Variants in MMP26 observed in about 807,000 individuals in gnomAD.
MMP26 encodes the protein matrix metallopeptidase 26.
Under a neutral mutation model 31.0 loss-of-function variants are expected in MMP26, and 33 were observed. The ratio of observed to expected loss-of-function variants is 1.06; its 90% CI spans 0.81 to 1.42. MMP26 has a LOEUF of 1.42. Ranked by LOEUF, MMP26 falls within the 40% of genes most tolerant of loss-of-function variation. MMP26 has a pLI of 0.00. For synonymous variants in MMP26, 122 were observed against 114.9 expected, an observed-to-expected ratio of 1.06 and a Z score of -0.40; for missense variants, 347 against 316.1, an observed-to-expected ratio of 1.10 and a Z score of -0.74.
intron 2 of MMP26, among the ~76,000 whole-genome samples, chr11:4,782,307 G>T (rs1032387401): frequency 1.3e-5 from 2 of 152,194 alleles, no homozygotes; most frequent in Non-Finnish European, 2.9e-5. Flanking sequence ...TGAGGAACTT[G>T]TTGGGAATTG....
chr11:4,708,810 A>G (rs553775463), intron 1 of MMP26, among the ~76,000 whole-genome samples: 1 of 152,322 alleles, frequency 6.6e-6, no homozygotes, highest in East Asian at 1.9e-4. Context: ...TACTCCAGTT[A>G]TTATCCATGA....
intron 2 of MMP26, among the ~76,000 whole-genome samples, chr11:4,893,061 T>C (rs1336437357): frequency 6.6e-6 from 1 of 152,052 alleles, no homozygotes; most frequent in African/African-American, 2.4e-5. Context: ...GGCTTTGTTC[T>C]CAACTCCATT....
chr11:4,868,383 A>C (rs1014479712), intron 2 of MMP26, among the ~76,000 whole-genome samples: 1 of 152,166 alleles, frequency 6.6e-6, no homozygotes, highest in African/African-American at 2.4e-5. Flanking sequence ...CAGGATACAA[A>C]ATCAATGTGC....
chr11:4,704,973 G>A lies in MMP26; in HGVS notation c.-289G>A, dbSNP rs1847756150. 1 of 152,142 alleles carries A rather than the reference G, an allele frequency of 6.6e-6. No individual in the cohort carries two copies. Among genetic ancestry groups the A allele is most frequent in the Non-Finnish European group, 1.5e-5 (1 of 68,048 alleles). 9.4% of individuals were successfully genotyped at this position (152,142 alleles called of 1,614,324 possible). ...GCATTAATAGATTCTCTGCTGTGTG[G>A]GATGATCCTTCAAATAGCAGGGGGC... is the stretch of plus-strand genomic sequence containing the variant. On this transcript the variant is annotated 5_prime_UTR_variant, in exon 1 of 8. Coordinates refer to ENST00000380390, the MANE Select transcript of MMP26 (RefSeq NM_021801.5).
At chr11:4,766,544 C>T (rs1848630898) in intron 1 of MMP26, among the ~76,000 whole-genome samples, 1 of 152,118 alleles carries the variant, frequency 6.6e-6, no homozygotes, top group South Asian at 2.1e-4. Context: ...TAAATAAGTT[C>T]ATTCTTTCTG....
chr11:4,992,197 T>G lies in MMP26; in HGVS notation c.758-17T>G. The G allele has an allele frequency of 6.2e-7, 1 of 1,611,834 alleles. No individual in the cohort carries two copies. Among genetic ancestry groups the G allele is most frequent in the Non-Finnish European group, 8.5e-7 (1 of 1,179,308 alleles). ...TCACCTGAAATTTACTGTTGTTTTT[T>G]TTTTCTGTTTCCATAGGAGAAAAAT... On this transcript the variant is annotated splice_polypyrimidine_tract_variant and intron_variant, in intron 7 of 7. Transcript: ENST00000380390.
At chr11:4,822,264 C>CT in intron 2 of MMP26, 1 of 1,566,104 alleles carries the variant, frequency 6.4e-7, no homozygotes, top group Non-Finnish European at 8.7e-7. Context: ...TGGCCAATGT[C>CT]TTTCTGCTAA....
chr11:4,960,605 T>A (rs567900605), intron 2 of MMP26, among the ~76,000 whole-genome samples: 3 of 151,826 alleles, frequency 2.0e-5, no homozygotes, highest in Non-Finnish European at 4.4e-5. Flanking sequence ...CAATTGGATC[T>A]GATCATAATC....
intron 1 of MMP26, among the ~76,000 whole-genome samples, chr11:4,734,846 T>TATATAAGCAGGGCA (rs1296636856): frequency 3.4e-4 from 52 of 151,718 alleles, no homozygotes; most frequent in Middle Eastern, 3.4e-3. Flanking sequence ...ATAGCATATT[T>TATATAAGCAGGGCA]TCAGCTTGTA....
At chr11:4,921,319 C>A (rs1851181105) in intron 2 of MMP26, among the ~76,000 whole-genome samples, 1 of 152,180 alleles carries the variant, frequency 6.6e-6, no homozygotes, top group Non-Finnish European at 1.5e-5. Context: ...GAGAGGCATA[C>A]TGACTTTTCC....
intron 2 of MMP26, among the ~76,000 whole-genome samples, chr11:4,768,117 A>G (rs1250102086): frequency 6.6e-6 from 1 of 152,198 alleles, no homozygotes. Flanking sequence ...ATGTTTATCT[A>G]TGGGGAAAGG....
At chr11:4,712,371 G>T (rs1459308612) in intron 1 of MMP26, 1 of 152,066 alleles carries the variant, frequency 6.6e-6, no homozygotes, top group Non-Finnish European at 1.5e-5. Flanking sequence ...GTCATAGATG[G>T]CGGTCTCTCT....
At chr11:4,726,538 G>C (rs1331349551) in intron 1 of MMP26, among the ~76,000 whole-genome samples, 3 of 152,030 alleles carry the variant, frequency 2.0e-5, no homozygotes, top group Non-Finnish European at 4.4e-5. Context: ...ATAATAGCTA[G>C]TAAGATATGA....
At chr11:4,871,100 T>C (rs1850304781) in intron 2 of MMP26, among the ~76,000 whole-genome samples, 1 of 152,102 alleles carries the variant, frequency 6.6e-6, no homozygotes, top group African/African-American at 2.4e-5. Context: ...AATTCAGCAT[T>C]GCAGCAATAT....
intron 2 of MMP26, among the ~76,000 whole-genome samples, chr11:4,782,407 A>G (rs948196193): frequency 6.6e-6 from 1 of 152,212 alleles, no homozygotes; most frequent in Admixed American, 6.5e-5. Flanking sequence ...AACTTAACAG[A>G]GATAATTTAG....
At chr11:4,893,343 A>G (rs11034554) in intron 2 of MMP26, among the ~76,000 whole-genome samples, 35,858 of 152,054 alleles carry the variant, frequency 0.24, 4,809 homozygotes, top group East Asian at 0.61. Context: ...TACCATAACT[A>G]ATAAGGTCCA....
intron 1 of MMP26, among the ~76,000 whole-genome samples, chr11:4,763,275 C>G (rs1024128259): frequency 6.6e-6 from 1 of 152,148 alleles, no homozygotes; most frequent in African/African-American, 2.4e-5. Context: ...ACTGACCAAT[C>G]AGGCTTGGCT....
At chr11:4,742,599 A>G (rs1316949152) in intron 1 of MMP26, among the ~76,000 whole-genome samples, 1 of 152,132 alleles carries the variant, frequency 6.6e-6, no homozygotes, top group Non-Finnish European at 1.5e-5. Flanking sequence ...GCCTTCCTCA[A>G]TTTTTATATA....
rs146916911 is a variant in MMP26 at position 4,991,961 on chromosome 11, C to T, written c.596-3C>T. 6.4e-7 allele frequency: 1 copy of T among 1,571,316 alleles called. No homozygotes were observed. The highest frequency in any genetic ancestry group is 8.6e-7 in the Non-Finnish European group (1 of 1,166,706). On this transcript the variant is annotated splice_polypyrimidine_tract_variant and splice_region_variant and intron_variant, in intron 6 of 7. Coordinates refer to ENST00000380390, the MANE Select transcript of MMP26 (RefSeq NM_021801.5). ...TATCTTTTTTTTTTCTATAATTTTT[C>T]AGGATATAATCTGTTCCTGGTTGCA...
Sources: allele counts gnomAD v4.1 joint callset (sites outside exome capture counted in the v4.1 genomes callset), GRCh38; gene constraint gnomAD v4.1.1; transcripts MANE v1.5; gene names NCBI Gene and HGNC (gene_info 2026-07-23, HGNC 2026-07-21).